Variants in AUTS2 observed in about 807,000 individuals in gnomAD.
The protein encoded by AUTS2 is autism susceptibility gene 2 protein.
In AUTS2, 17 loss-of-function variants were observed where a neutral mutation model predicts 112.4. The observed-to-expected ratio is 0.15, with a 90% CI of 0.10 to 0.23. The LOEUF (loss-of-function observed/expected upper bound fraction) is 0.23, where lower values mean the gene tolerates loss of function less well. Ranked by LOEUF, AUTS2 falls within the 10% of genes least tolerant of loss-of-function variation. The probability of loss-of-function intolerance (pLI) is 1.00; values close to 1 mark genes in which losing one functional copy is unlikely to be tolerated. For synonymous variants in AUTS2, 751 were observed against 702.7 expected, an observed-to-expected ratio of 1.07 and a Z score of -1.09; for missense variants, 1,510 against 1,701.6, an observed-to-expected ratio of 0.89 and a Z score of 1.98.
intron 4 of AUTS2, among the ~76,000 whole-genome samples, chr7:70,429,649 G>A (rs1247388625): frequency 6.6e-6 from 1 of 152,160 alleles, no homozygotes; most frequent in Non-Finnish European, 1.5e-5. Flanking sequence ...TTAGTATGGG[G>A]AGTCAAGAGT....
intron 6 of AUTS2, among the ~76,000 whole-genome samples, chr7:70,724,441 GAC>G (rs561076596): frequency 1.9e-5 from 2 of 106,608 alleles, no homozygotes; most frequent in African/African-American, 3.1e-5. Flanking sequence ...TTTTCATCCT[GAC>G]TTTTTTTTTT....
intron 4 of AUTS2, among the ~76,000 whole-genome samples, chr7:70,415,805 A>G (rs139555856): frequency 6.9e-4 from 105 of 152,234 alleles, no homozygotes; most frequent in African/African-American, 2.4e-3. Context: ...GTTGGACCAG[A>G]CCATTTGTAA....
At chr7:70,646,136 A>G (rs1303923192) in intron 5 of AUTS2, among the ~76,000 whole-genome samples, 1 of 152,204 alleles carries the variant, frequency 6.6e-6, no homozygotes, top group Admixed American at 6.5e-5. Context: ...ACAGACCTAC[A>G]AACCTGACTT....
At chr7:70,424,951 C>T (rs569818814) in intron 4 of AUTS2, among the ~76,000 whole-genome samples, 90 of 152,286 alleles carry the variant, frequency 5.9e-4, no homozygotes, top group Non-Finnish European at 9.1e-4. Flanking sequence ...CATGCTCTGC[C>T]GTTGTTCCTG....
chr7:69,739,443 G>C (rs1390203149), intron 1 of AUTS2, among the ~76,000 whole-genome samples: 1 of 152,148 alleles, frequency 6.6e-6, no homozygotes, highest in Non-Finnish European at 1.5e-5. Context: ...CACACATCTG[G>C]GATTTAAGGG....
intron 1 of AUTS2, among the ~76,000 whole-genome samples, chr7:69,696,419 G>A (rs1797565400): frequency 1.3e-5 from 2 of 151,988 alleles, no homozygotes; most frequent in South Asian, 4.2e-4. Context: ...TTACGTGAAG[G>A]GTATAGAATT....
chr7:69,786,875 G>A (rs867954432), intron 1 of AUTS2, among the ~76,000 whole-genome samples: 9 of 152,328 alleles, frequency 5.9e-5, no homozygotes, highest in Non-Finnish European at 5.9e-5. Flanking sequence ...TACACTTAGT[G>A]TGTGTATTGT....
chr7:70,221,361 C>G (rs956947504), intron 4 of AUTS2, among the ~76,000 whole-genome samples: 1 of 152,120 alleles, frequency 6.6e-6, no homozygotes, highest in Non-Finnish European at 1.5e-5. Context: ...AGTTTTTCTT[C>G]TTTTGGTGTA....
At chr7:70,420,969 A>G (rs915443261) in intron 4 of AUTS2, among the ~76,000 whole-genome samples, 1 of 152,198 alleles carries the variant, frequency 6.6e-6, no homozygotes, top group South Asian at 2.1e-4. Context: ...AGTATCCCAT[A>G]AAGAGACAAT....
intron 1 of AUTS2, among the ~76,000 whole-genome samples, chr7:69,827,023 T>C (rs1791279625): frequency 6.6e-6 from 1 of 152,194 alleles, no homozygotes; most frequent in Admixed American, 6.5e-5. Context: ...TATTGAGCTT[T>C]CTAATTTCTT....
intron 5 of AUTS2, among the ~76,000 whole-genome samples, chr7:70,531,754 TA>T (rs1374549467): frequency 6.6e-6 from 1 of 152,110 alleles, no homozygotes; most frequent in Non-Finnish European, 1.5e-5. Context: ...GACCACATTT[TA>T]CCATGAGATT....
At chr7:70,358,207 C>T (rs1298239666) in intron 4 of AUTS2, among the ~76,000 whole-genome samples, 2 of 152,208 alleles carry the variant, frequency 1.3e-5, no homozygotes, top group Non-Finnish European at 2.9e-5. Flanking sequence ...ACCCTGGTAA[C>T]TTTTCTCTTG....
intron 1 of AUTS2, among the ~76,000 whole-genome samples, chr7:69,621,155 T>G (rs1793638420): frequency 6.6e-6 from 1 of 152,190 alleles, no homozygotes; most frequent in Non-Finnish European, 1.5e-5. Flanking sequence ...CACAGAGTGG[T>G]TCTATGAGGT....
chr7:70,673,057 A>G (rs1347625555), intron 5 of AUTS2, among the ~76,000 whole-genome samples: 2 of 152,232 alleles, frequency 1.3e-5, no homozygotes, highest in African/African-American at 2.4e-5. Context: ...CTAGAAAGTC[A>G]GAGGTGACGG....
At chr7:70,165,006 A>G (rs1186765006) in intron 4 of AUTS2, among the ~76,000 whole-genome samples, 1 of 152,212 alleles carries the variant, frequency 6.6e-6, no homozygotes, top group Non-Finnish European at 1.5e-5. Flanking sequence ...GTGGAATTTT[A>G]GTAGAGTGAT....
chr7:69,848,130 C>G (rs1387003592), intron 1 of AUTS2, among the ~76,000 whole-genome samples: 1 of 152,178 alleles, frequency 6.6e-6, no homozygotes, highest in Non-Finnish European at 1.5e-5. Flanking sequence ...ACAGGTGGCC[C>G]TCATACCCTC....
intron 4 of AUTS2, among the ~76,000 whole-genome samples, chr7:70,309,991 G>A (rs956701538): frequency 3.3e-5 from 5 of 152,110 alleles, no homozygotes; most frequent in African/African-American, 9.7e-5. Context: ...AATCAAACTT[G>A]TTACTTAGTT....
chr7:69,722,331 A>C (rs1446349718), intron 1 of AUTS2, among the ~76,000 whole-genome samples: 2 of 151,968 alleles, frequency 1.3e-5, no homozygotes, highest in Non-Finnish European at 2.9e-5. Flanking sequence ...TTCTTAGAAT[A>C]GAAAAATTGG....
chr7:70,088,184 C>T (rs944668560), intron 2 of AUTS2, among the ~76,000 whole-genome samples: 7 of 151,918 alleles, frequency 4.6e-5, no homozygotes, highest in Admixed American at 6.6e-5. Context: ...AGTGCAGTGG[C>T]GTGATCTCAG....
Sources: gnomAD v4.1 joint callset for allele counts (sites outside exome capture counted in the v4.1 genomes callset) on GRCh38, gnomAD v4.1.1 for gene constraint, MANE v1.5 for transcripts, NCBI Gene and HGNC (gene_info 2026-07-23, HGNC 2026-07-21) for gene names.